PTPRM: variants seen among roughly 807,000 people sequenced by gnomAD.
PTPRM encodes protein tyrosine phosphatase receptor type M.
Under a neutral mutation model 186.7 loss-of-function variants are expected in PTPRM, and 47 were observed. The ratio of observed to expected loss-of-function variants is 0.25; its 90% CI spans 0.20 to 0.32. The LOEUF (loss-of-function observed/expected upper bound fraction) is 0.32, where lower values mean the gene tolerates loss of function less well. PTPRM is among the 10% of genes least tolerant of loss of function. The pLI, the probability that PTPRM is intolerant of heterozygous loss-of-function variation, is 1.00. For missense variants in PTPRM, 1,494 were observed against 1,865.0 expected (o/e 0.80, Z 3.66); for synonymous variants, 668 against 674.9 (o/e 0.99, Z 0.16).
intron 1 of PTPRM, among the ~76,000 whole-genome samples, chr18:7,663,342 T>C (rs1003157602): frequency 1.9e-4 from 29 of 152,202 alleles, no homozygotes; most frequent in South Asian, 2.1e-4. Context: ...CATTCATTTA[T>C]TGGGCAACTG....
chr18:8,398,226 C>T (rs534239492), intron 32 of PTPRM, among the ~76,000 whole-genome samples: 1 of 152,218 alleles, frequency 6.6e-6, no homozygotes, highest in South Asian at 2.1e-4. Context: ...TCAAGCAGTC[C>T]TCCTGCCTCA....
intron 14 of PTPRM, among the ~76,000 whole-genome samples, chr18:8,193,479 GA>G (rs59193857): frequency 0.54 from 81,477 of 152,034 alleles, 22,288 homozygotes; most frequent in East Asian, 0.84. Context: ...TAAAAAATAT[GA>G]TTAAATGACA....
chr18:7,922,136 A>G (rs1048611525), intron 4 of PTPRM, among the ~76,000 whole-genome samples: 1 of 152,134 alleles, frequency 6.6e-6, no homozygotes, highest in African/African-American at 2.4e-5. Context: ...TGCCTCAGTT[A>G]TGGTAAACAA....
intron 7 of PTPRM, among the ~76,000 whole-genome samples, chr18:7,966,332 T>A (rs2147238042): frequency 6.6e-6 from 1 of 152,348 alleles, no homozygotes; most frequent in South Asian, 2.1e-4. Flanking sequence ...ATAAGTAATG[T>A]AACTATTCAG....
chr18:8,050,703 A>ATTTGTGTATT (rs1247537886), intron 7 of PTPRM, among the ~76,000 whole-genome samples: 2 of 152,110 alleles, frequency 1.3e-5, no homozygotes, highest in East Asian at 3.9e-4. Flanking sequence ...AACCTCGTAG[A>ATTTGTGTATT]TTTGTGTATT....
chr18:7,673,229 G>A (rs2039259472), intron 1 of PTPRM, among the ~76,000 whole-genome samples: 1 of 152,182 alleles, frequency 6.6e-6, no homozygotes. Flanking sequence ...CCACACCTTG[G>A]CATAGGCAGG....
intron 1 of PTPRM, among the ~76,000 whole-genome samples, chr18:7,605,508 C>CT (rs1188198379): frequency 6.6e-6 from 1 of 151,762 alleles, no homozygotes; most frequent in Non-Finnish European, 1.5e-5. Flanking sequence ...CATCATCATT[C>CT]TTTTCTCCTA....
intron 1 of PTPRM, among the ~76,000 whole-genome samples, chr18:7,728,925 C>CT (rs113386099): frequency 0.068 from 9,396 of 138,532 alleles, 626 homozygotes; most frequent in African/African-American, 0.16. Flanking sequence ...TTCCTCCAAC[C>CT]TTTTTTTTTT....
chr18:7,896,637 T>G (rs969827399), intron 3 of PTPRM, among the ~76,000 whole-genome samples: 1 of 152,168 alleles, frequency 6.6e-6, no homozygotes. Context: ...GAGAGCCTTG[T>G]GGGTTCACGA....
chr18:8,340,127 G>A (rs867102813), intron 22 of PTPRM, among the ~76,000 whole-genome samples: 1 of 152,338 alleles, frequency 6.6e-6, no homozygotes. Context: ...GGAGCCATGC[G>A]TGTGGCAGAA....
At chr18:7,589,711 G>A (rs1213002277) in intron 1 of PTPRM, among the ~76,000 whole-genome samples, 4 of 152,138 alleles carry the variant, frequency 2.6e-5, no homozygotes, top group African/African-American at 9.7e-5. Flanking sequence ...ATAATATAAT[G>A]TAGATATTAA....
At chr18:7,966,022 G>A (rs1210991305) in intron 7 of PTPRM, among the ~76,000 whole-genome samples, 2 of 152,306 alleles carry the variant, frequency 1.3e-5, no homozygotes, top group East Asian at 3.9e-4. Flanking sequence ...GATTATGAAA[G>A]ATTGATAATA....
chr18:8,140,159 C>T (rs997944519), intron 13 of PTPRM, among the ~76,000 whole-genome samples: 5 of 152,104 alleles, frequency 3.3e-5, no homozygotes, highest in Admixed American at 6.5e-5. Context: ...GAAAGCAGCC[C>T]GTGCTGTGGG....
intron 7 of PTPRM, among the ~76,000 whole-genome samples, chr18:8,029,038 T>A (rs1029016570): frequency 6.6e-6 from 1 of 152,256 alleles, no homozygotes; most frequent in African/African-American, 2.4e-5. Context: ...GCCTTCCCTA[T>A]GCAATGGCTT....
intron 13 of PTPRM, among the ~76,000 whole-genome samples, chr18:8,115,728 G>A (rs1297262781): frequency 6.6e-6 from 1 of 152,188 alleles, no homozygotes; most frequent in Non-Finnish European, 1.5e-5. Context: ...TTGATGAGTT[G>A]TGTTGGATAA....
At chr18:8,244,269 G>A (rs1254754753) in intron 15 of PTPRM, 60 bp downstream of exon 15, 2 of 1,362,110 alleles carry the variant, frequency 1.5e-6, no homozygotes, top group South Asian at 1.7e-5. Flanking sequence ...GATTCCAGGT[G>A]GTACTAGGGG....
intron 7 of PTPRM, among the ~76,000 whole-genome samples, chr18:7,990,199 C>G (rs934919677): frequency 3.9e-5 from 6 of 152,280 alleles, no homozygotes; most frequent in African/African-American, 1.2e-4. Flanking sequence ...CCACTGCACC[C>G]TGACCACTCC....
intron 2 of PTPRM, among the ~76,000 whole-genome samples, chr18:7,826,998 A>T (rs1054438002): frequency 2.6e-5 from 4 of 152,222 alleles, no homozygotes; most frequent in African/African-American, 9.6e-5. Flanking sequence ...GGTACTTGGG[A>T]GGCTGAGGTG....
intron 7 of PTPRM, among the ~76,000 whole-genome samples, chr18:7,964,048 AATT>A (rs1466157293): frequency 6.6e-6 from 1 of 152,106 alleles, no homozygotes; most frequent in Non-Finnish European, 1.5e-5. Flanking sequence ...TAAGAAAAAA[AATT>A]ATTGATGATG....
Sources: gnomAD v4.1 joint callset for allele counts (sites outside exome capture counted in the v4.1 genomes callset) on GRCh38, gnomAD v4.1.1 for gene constraint, MANE v1.5 for transcripts, NCBI Gene and HGNC (gene_info 2026-07-23, HGNC 2026-07-21) for gene names.